The following ZNF475 variants were observed in gnomAD, a reference collection of about 807,000 sequenced individuals.
The protein encoded by ZNF475 is zinc finger protein 475.
the ZNF475 span, among the ~76,000 whole-genome samples, chr5:122,168,480 G>C: frequency 1.4e-3 from 219 of 152,308 alleles, no homozygotes; most frequent in African/African-American, 5.0e-3. Context: ...TGAGGCCAAG[G>C]TGGATGGATC....
the ZNF475 span, chr5:122,162,172 G>A: frequency 6.6e-6 from 1 of 152,072 alleles, no homozygotes; most frequent in African/African-American, 2.4e-5. Context: ...AATACATAAA[G>A]ATAGTTTAAT....
At chr5:122,182,369 C>A in the ZNF475 span, 1 of 680,848 alleles carries the variant, frequency 1.5e-6, no homozygotes. Context: ...AAATATTTTC[C>A]ATAGAAAGTA....
chr5:122,167,315 T>C, the ZNF475 span, among the ~76,000 whole-genome samples: 2 of 152,172 alleles, frequency 1.3e-5, no homozygotes, highest in African/African-American at 4.8e-5. Flanking sequence ...TGCTTCCTAA[T>C]GGACTTTCTC....
the ZNF475 span, among the ~76,000 whole-genome samples, chr5:122,168,528 C>T: frequency 1.3e-5 from 2 of 152,194 alleles, no homozygotes; most frequent in South Asian, 2.1e-4. Flanking sequence ...CTGGCTAACA[C>T]GGTGAAACCC....
chr5:122,162,078 A>G, the ZNF475 span: 1 of 152,214 alleles, frequency 6.6e-6, no homozygotes, highest in Non-Finnish European at 1.5e-5. Flanking sequence ...TATGATTTTC[A>G]GCTTTGTAGC....
the ZNF475 span, among the ~76,000 whole-genome samples, chr5:122,167,382 C>T: frequency 1.3e-5 from 2 of 152,056 alleles, no homozygotes; most frequent in Non-Finnish European, 2.9e-5. Context: ...TTCTAATTTT[C>T]TCTAGGTCTT....
chr5:122,169,023 T>C, the ZNF475 span, among the ~76,000 whole-genome samples: 3 of 152,282 alleles, frequency 2.0e-5, no homozygotes, highest in South Asian at 6.2e-4. Flanking sequence ...CTTCAACTGT[T>C]TTCTCAAGGT....
chr5:122,164,641 G>A, the ZNF475 span, among the ~76,000 whole-genome samples: 28 of 152,164 alleles, frequency 1.8e-4, no homozygotes, highest in Non-Finnish European at 4.0e-4. Flanking sequence ...TCTCTGGAAC[G>A]ATGAAGCTAT....
At chr5:122,181,734 A>G in the ZNF475 span, among the ~76,000 whole-genome samples, 1 of 152,196 alleles carries the variant, frequency 6.6e-6, no homozygotes, top group Non-Finnish European at 1.5e-5. Flanking sequence ...AGTCAATTTA[A>G]TGTACTGAAA....
the ZNF475 span, among the ~76,000 whole-genome samples, chr5:122,170,316 A>G: frequency 6.6e-6 from 1 of 152,192 alleles, no homozygotes; most frequent in Non-Finnish European, 1.5e-5. Flanking sequence ...CCCCAGCTTC[A>G]GAAGCCAATC....
the ZNF475 span, among the ~76,000 whole-genome samples, chr5:122,173,293 G>A: frequency 2.0e-5 from 3 of 152,138 alleles, no homozygotes; most frequent in African/African-American, 7.2e-5. Flanking sequence ...AGAGAAATCT[G>A]AATCTATCTG....
chr5:122,160,191 C>T, the ZNF475 span: 2 of 1,287,366 alleles, frequency 1.6e-6, no homozygotes, highest in Admixed American at 2.3e-5. Flanking sequence ...TCCTTGGTGC[C>T]AACCATGCCT....
chr5:122,169,451 A>C, the ZNF475 span, among the ~76,000 whole-genome samples: 1 of 152,216 alleles, frequency 6.6e-6, no homozygotes, highest in African/African-American at 2.4e-5. Flanking sequence ...TGGAGGAAGT[A>C]GATGAATGAA....
chr5:122,162,216 T>C, the ZNF475 span: 1 of 152,240 alleles, frequency 6.6e-6, no homozygotes, highest in East Asian at 1.9e-4. Flanking sequence ...GTCAAATCTT[T>C]CTTAGGTTAA....
the ZNF475 span, among the ~76,000 whole-genome samples, chr5:122,180,987 T>G: frequency 6.6e-6 from 1 of 152,184 alleles, no homozygotes; most frequent in African/African-American, 2.4e-5. Context: ...TCAAAATATG[T>G]TTCCTTCCCT....
chr5:122,181,811 T>A, the ZNF475 span, among the ~76,000 whole-genome samples: 2 of 152,358 alleles, frequency 1.3e-5, no homozygotes, highest in South Asian at 4.1e-4. Context: ...TAAAGCCATA[T>A]GCTTTTTTCT....
At chr5:122,168,706 C>T in the ZNF475 span, among the ~76,000 whole-genome samples, 442 of 152,228 alleles carry the variant, frequency 2.9e-3, 4 homozygotes, top group African/African-American at 9.9e-3. Context: ...AGCAAGACTC[C>T]GTCTAAAAAA....
chr5:122,170,909 A>C, the ZNF475 span, among the ~76,000 whole-genome samples: 17 of 152,318 alleles, frequency 1.1e-4, 1 homozygote, highest in East Asian at 3.1e-3. Context: ...TTTCAGAAAC[A>C]GGGAAAAGGA....
chr5:122,179,852 T>G, the ZNF475 span: 10 of 673,540 alleles, frequency 1.5e-5, no homozygotes, highest in Non-Finnish European at 2.3e-5. Context: ...TTTCTTGCCT[T>G]GGTTACAGAC....
Sources: gnomAD v4.1 joint callset for allele counts (sites outside exome capture counted in the v4.1 genomes callset) on GRCh38, gnomAD v4.1.1 for gene constraint, MANE v1.5 for transcripts, NCBI Gene and HGNC (gene_info 2026-07-23, HGNC 2026-07-21) for gene names.